SYN2: variants seen among roughly 807,000 people sequenced by gnomAD.
SYN2 encodes the protein synapsin-2.
Under a neutral mutation model 50.9 loss-of-function variants are expected in SYN2, and 19 were observed. The ratio of observed to expected loss-of-function variants is 0.37; its 90% confidence interval spans 0.26 to 0.55. SYN2 has a LOEUF of 0.55. SYN2 is among the 20% of genes least tolerant of loss of function. The pLI, the probability that SYN2 is intolerant of heterozygous loss-of-function variation, is 0.81. For synonymous variants in SYN2, 255 were observed against 224.9 expected, an observed-to-expected ratio of 1.13 and a Z score of -1.20; for missense variants, 587 against 576.4, an observed-to-expected ratio of 1.02 and a Z score of -0.19.
chr3:12,069,932 G>C (rs1284440372), intron 1 of SYN2, among the ~76,000 whole-genome samples: 1 of 151,620 alleles, frequency 6.6e-6, no homozygotes, highest in Non-Finnish European at 1.5e-5. Flanking sequence ...TCAGCCTCCT[G>C]AGTAGCTGGG....
Position 12,161,556 on chromosome 3 carries a change from C to T in SYN2, c.785C>T (p.Pro262Leu). 6.2e-7 allele frequency: 1 copy of T among 1,613,982 alleles called. No homozygotes were observed. The highest frequency in any genetic ancestry group is 1.1e-5 in the South Asian group (1 of 91,084). The change falls in exon 6 of 13, where the codon CCC (proline) becomes CTC (leucine). Residue 262 changes from proline (P) to leucine (L), a missense_variant. Coordinates refer to ENST00000621198, the MANE Select transcript of SYN2 (RefSeq NM_133625.6). Reference sequence around the variant, plus strand: ...CTCTTCTGATTTCAGCTGACACTGCCCACGTTCCCTGTGGTGGTGAAGATT... The same window carrying T: ...CTCTTCTGATTTCAGCTGACACTGCTCACGTTCCCTGTGGTGGTGAAGATT... ...YPNHKEMLTL[P>L]TFPVVVKIGH...
intron 1 of SYN2, among the ~76,000 whole-genome samples, chr3:12,111,759 A>G (rs766590113): frequency 7.9e-5 from 12 of 152,186 alleles, no homozygotes; most frequent in South Asian, 2.1e-4. Context: ...AACAGATCCA[A>G]ACTCCTTGCT....
intron 1 of SYN2, among the ~76,000 whole-genome samples, chr3:12,076,739 G>T (rs1269663916): frequency 2.6e-5 from 4 of 152,064 alleles, no homozygotes; most frequent in African/African-American, 9.7e-5. Context: ...GTCTCACATG[G>T]CTCATTAGTG....
At chr3:12,059,105 A>G (rs1695059324) in intron 1 of SYN2, among the ~76,000 whole-genome samples, 1 of 152,208 alleles carries the variant, frequency 6.6e-6, no homozygotes, top group African/African-American at 2.4e-5. Flanking sequence ...ATCCACACCA[A>G]GGTTTTGCAG....
chr3:12,107,824 T>A (rs992681525), intron 1 of SYN2, among the ~76,000 whole-genome samples: 1 of 152,194 alleles, frequency 6.6e-6, no homozygotes, highest in Non-Finnish European at 1.5e-5. Flanking sequence ...TAACCCAACA[T>A]TTCCTAAAAT....
At chr3:12,021,730 G>T (rs1166149487) in intron 1 of SYN2, among the ~76,000 whole-genome samples, 1 of 152,070 alleles carries the variant, frequency 6.6e-6, no homozygotes. Context: ...TTGGGTGTTC[G>T]TTCCAACTTG....
intron 1 of SYN2, chr3:12,070,718 A>G: frequency 1.1e-6 from 1 of 945,234 alleles, no homozygotes; most frequent in Non-Finnish European, 1.6e-6. Context: ...GGGGTCACTC[A>G]TACAGTGCCC....
chr3:12,161,366 C>A (rs308950), intron 5 of SYN2, among the ~76,000 whole-genome samples, 180 bp from the exon 6 acceptor site: 2 of 152,074 alleles, frequency 1.3e-5, no homozygotes, highest in East Asian at 1.9e-4. Context: ...CTAATATGCT[C>A]TGTGACCCTG....
At chr3:12,012,756 G>C (rs1057256506) in intron 1 of SYN2, among the ~76,000 whole-genome samples, 3 of 152,104 alleles carry the variant, frequency 2.0e-5, no homozygotes, top group African/African-American at 7.2e-5. Context: ...CTCATCTCTT[G>C]TCTTCTGCAT....
intron 3 of SYN2, 68 bp from the exon 4 acceptor site, chr3:12,145,611 T>C: frequency 1.3e-6 from 2 of 1,557,790 alleles, no homozygotes; most frequent in Non-Finnish European, 1.7e-6. Flanking sequence ...GTTTTGGAAA[T>C]GGGAACCAAA....
intron 1 of SYN2, among the ~76,000 whole-genome samples, chr3:12,137,769 A>G (rs1425937901): frequency 6.6e-6 from 1 of 152,234 alleles, no homozygotes; most frequent in Non-Finnish European, 1.5e-5. Flanking sequence ...GTATGCAGGT[A>G]TAGCCACACA....
At chr3:12,180,155 T>C (rs1162230006) in intron 10 of SYN2, among the ~76,000 whole-genome samples, 3 of 152,096 alleles carry the variant, frequency 2.0e-5, no homozygotes, top group Non-Finnish European at 4.4e-5. Flanking sequence ...CATCATGTTA[T>C]CCAGGCTGGT....
chr3:12,087,753 A>G (rs1004119937), intron 1 of SYN2, among the ~76,000 whole-genome samples: 4 of 152,164 alleles, frequency 2.6e-5, no homozygotes, highest in African/African-American at 9.7e-5. Flanking sequence ...GCCCTGTCTC[A>G]GAAAAATCCC....
At chr3:12,009,090 T>A (rs931274091) in intron 1 of SYN2, among the ~76,000 whole-genome samples, 1 of 152,242 alleles carries the variant, frequency 6.6e-6, no homozygotes, top group Non-Finnish European at 1.5e-5. Context: ...GGGGCTTCTC[T>A]TTGTTTAATA....
chr3:12,120,914 T>C (rs1189749306), intron 1 of SYN2, among the ~76,000 whole-genome samples: 1 of 152,264 alleles, frequency 6.6e-6, no homozygotes, highest in Non-Finnish European at 1.5e-5. Context: ...AATGACACCT[T>C]CTTCAAGAAG....
chr3:12,185,145 A>G (rs1455286638), intron 11 of SYN2: 1 of 985,744 alleles, frequency 1.0e-6, no homozygotes, highest in Non-Finnish European at 1.2e-6. Context: ...AAATATATAC[A>G]TATATGCATA....
chr3:12,170,476 A>T (rs945529605), intron 10 of SYN2, among the ~76,000 whole-genome samples: 5 of 152,222 alleles, frequency 3.3e-5, no homozygotes, highest in African/African-American at 1.2e-4. Flanking sequence ...CTCATGGCCA[A>T]TCACACTCAT....
intron 1 of SYN2, among the ~76,000 whole-genome samples, chr3:12,052,719 T>G (rs1161050858): frequency 1.3e-5 from 2 of 152,206 alleles, no homozygotes; most frequent in East Asian, 3.8e-4. Context: ...TAATCAAGAT[T>G]ACCCATAGGA....
chr3:12,064,905 C>G (rs1200564908), intron 1 of SYN2, among the ~76,000 whole-genome samples: 3 of 152,030 alleles, frequency 2.0e-5, no homozygotes, highest in Non-Finnish European at 4.4e-5. Context: ...ACGTGTTCAC[C>G]CAACAACTTG....
Sources: allele counts gnomAD v4.1 joint callset (sites outside exome capture counted in the v4.1 genomes callset), GRCh38; gene constraint gnomAD v4.1.1; transcripts MANE v1.5; gene names NCBI Gene and HGNC (gene_info 2026-07-23, HGNC 2026-07-21).